The following RPS6KC1 variants were observed in gnomAD, a reference collection of about 807,000 sequenced individuals.
RPS6KC1 encodes ribosomal protein S6 kinase C1.
Under a neutral mutation model 103.8 loss-of-function variants are expected in RPS6KC1, and 54 were observed. The observed-to-expected ratio is 0.52, with a 90% CI of 0.42 to 0.65. The LOEUF (loss-of-function observed/expected upper bound fraction) is 0.65, where lower values mean the gene tolerates loss of function less well. Ranked by LOEUF, RPS6KC1 falls within the 30% of genes least tolerant of loss-of-function variation. The probability of loss-of-function intolerance (pLI) is 0.00; values close to 1 mark genes in which losing one functional copy is unlikely to be tolerated. For synonymous variants in RPS6KC1, 439 were observed against 438.7 expected (o/e 1.00, Z -0.01); for missense variants, 1,151 against 1,253.8 (o/e 0.92, Z 1.24).
At position 213,255,523 on chromosome 1, in the gene RPS6KC1, C is replaced by T. The variant is rs528879632; in HGVS notation, c.2912-6035C>T. Among the ~76,000 whole-genome samples the T allele has an allele frequency of 5.3e-5, 8 of 152,138 alleles. No homozygotes were observed. In the South Asian group the frequency reaches 6.2e-4, roughly 12 times the overall value. ...TATACCTGATGTTTATAGTAACTAT[C>T]GTGTTGCTTTATATATAAATCAGTG... is the stretch of plus-strand genomic sequence containing the variant. On this transcript the variant is annotated intron_variant, in intron 12 of 14. Transcript: ENST00000366960.
intron 14 of RPS6KC1, among the ~76,000 whole-genome samples, chr1:213,266,928 A>T (rs948147479): frequency 7.3e-5 from 11 of 151,238 alleles, no homozygotes; most frequent in African/African-American, 2.4e-4. Flanking sequence ...ACAAACAAAC[A>T]AACAAACAAA....
At chr1:213,319,199 G>A in the RPS6KC1 span, among the ~76,000 whole-genome samples, 2,087 of 151,886 alleles carry the variant, frequency 0.014, 80 homozygotes, top group East Asian at 0.099. Context: ...CCAGCTACTC[G>A]GGAGGCTGAG....
chr1:213,749,393 A>T, the RPS6KC1 span, among the ~76,000 whole-genome samples: 1 of 152,166 alleles, frequency 6.6e-6, no homozygotes, highest in African/African-American at 2.4e-5. Context: ...CTGGATATAG[A>T]ACAGGGGGGA....
chr1:213,665,099 C>A, the RPS6KC1 span, among the ~76,000 whole-genome samples: 10 of 151,890 alleles, frequency 6.6e-5, no homozygotes, highest in African/African-American at 2.4e-4. Flanking sequence ...ATACACAATA[C>A]ATTCATTAGG....
the RPS6KC1 span, among the ~76,000 whole-genome samples, chr1:213,858,228 G>T: frequency 6.6e-6 from 1 of 152,146 alleles, no homozygotes; most frequent in Non-Finnish European, 1.5e-5. Context: ...TATCTCCATT[G>T]TCATAACAAC....
chr1:213,140,847 A>T (rs1224028151), intron 6 of RPS6KC1, among the ~76,000 whole-genome samples: 17 of 132,518 alleles, frequency 1.3e-4, no homozygotes, highest in African/African-American at 1.4e-4. Context: ...GAATCCCTTG[A>T]TTTTTTTTTT....
the RPS6KC1 span, among the ~76,000 whole-genome samples, chr1:213,298,041 G>A: frequency 1.3e-5 from 2 of 152,162 alleles, no homozygotes; most frequent in Admixed American, 1.3e-4. Flanking sequence ...GCTTCAAGCT[G>A]AGCACCCCCA....
chr1:213,334,212 A>G, the RPS6KC1 span, among the ~76,000 whole-genome samples: 1 of 152,324 alleles, frequency 6.6e-6, no homozygotes, highest in Non-Finnish European at 1.5e-5. Context: ...ACAGTCTATC[A>G]TCTTCCTGTT....
the RPS6KC1 span, among the ~76,000 whole-genome samples, chr1:213,402,372 GA>G: frequency 6.6e-6 from 1 of 152,152 alleles, no homozygotes; most frequent in Non-Finnish European, 1.5e-5. Flanking sequence ...TAAGTCCCAG[GA>G]AATACTCACA....
intron 6 of RPS6KC1, among the ~76,000 whole-genome samples, chr1:213,150,842 C>T (rs865906280): frequency 2.6e-4 from 40 of 152,324 alleles, no homozygotes; most frequent in African/African-American, 3.1e-4. Context: ...ACCTCCCAGA[C>T]GGGGTGGTGG....
the RPS6KC1 span, among the ~76,000 whole-genome samples, chr1:213,476,699 A>G: frequency 6.6e-6 from 1 of 152,178 alleles, no homozygotes; most frequent in Non-Finnish European, 1.5e-5. Flanking sequence ...CTTTGCAGAG[A>G]GGACTTCTAT....
chr1:213,321,516 C>A, the RPS6KC1 span, among the ~76,000 whole-genome samples: 1 of 152,100 alleles, frequency 6.6e-6, no homozygotes, highest in Non-Finnish European at 1.5e-5. Flanking sequence ...GACCTAGGAG[C>A]AATATTAGTA....
At chr1:213,801,768 G>A in the RPS6KC1 span, among the ~76,000 whole-genome samples, 1 of 152,218 alleles carries the variant, frequency 6.6e-6, no homozygotes, top group Non-Finnish European at 1.5e-5. Context: ...TAATGTGGAA[G>A]TGGGAAAGAT....
intron 8 of RPS6KC1, among the ~76,000 whole-genome samples, chr1:213,184,532 A>G (rs1390214155): frequency 6.7e-6 from 1 of 149,570 alleles, no homozygotes; most frequent in Non-Finnish European, 1.5e-5. Flanking sequence ...ATTTTCTTCT[A>G]CAAATTTGAG....
At chr1:213,817,925 T>A in the RPS6KC1 span, 5 of 152,348 alleles carry the variant, frequency 3.3e-5, no homozygotes, top group South Asian at 2.1e-4. Context: ...TGCGTAATTC[T>A]CACAATATCT....
At chr1:213,178,882 A>G (rs139970715) in intron 8 of RPS6KC1, among the ~76,000 whole-genome samples, 1 of 151,852 alleles carries the variant, frequency 6.6e-6, no homozygotes, top group African/African-American at 2.4e-5. Context: ...TGCCTGGCTA[A>G]TAGTTTTTTG....
At chr1:213,452,756 C>T in the RPS6KC1 span, among the ~76,000 whole-genome samples, 108 of 152,288 alleles carry the variant, frequency 7.1e-4, no homozygotes, top group South Asian at 4.1e-3. Context: ...CCCAGGCTGG[C>T]GGGATCCCAC....
the RPS6KC1 span, among the ~76,000 whole-genome samples, chr1:213,461,396 T>C: frequency 1.3e-5 from 2 of 152,234 alleles, no homozygotes; most frequent in African/African-American, 4.8e-5. Context: ...TCCATCAAGC[T>C]ACCATTGGCT....
At chr1:213,195,212 T>G (rs2092899559) in intron 8 of RPS6KC1, among the ~76,000 whole-genome samples, 2 of 152,230 alleles carry the variant, frequency 1.3e-5, no homozygotes, top group Admixed American at 1.3e-4. Flanking sequence ...GTCTTGATTG[T>G]GCTTGTGGTT....
Sources: allele counts gnomAD v4.1 joint callset (sites outside exome capture counted in the v4.1 genomes callset), GRCh38; gene constraint gnomAD v4.1.1; transcripts MANE v1.5; gene names NCBI Gene and HGNC (gene_info 2026-07-23, HGNC 2026-07-21).